Variants in RAD51 observed in about 807,000 individuals in gnomAD.
RAD51 encodes RAD51 recombinase.
A neutral mutation model predicts 41.5 loss-of-function variants in RAD51; 14 were observed. The ratio of observed to expected loss-of-function variants is 0.34; its 90% CI spans 0.22 to 0.53. The LOEUF (loss-of-function observed/expected upper bound fraction) is 0.53, where lower values mean the gene tolerates loss of function less well. Among genes scored for constraint, RAD51 ranks in the 20% least tolerant of loss-of-function variants. The probability of loss-of-function intolerance (pLI) is 0.95; values close to 1 mark genes in which losing one functional copy is unlikely to be tolerated. For synonymous variants in RAD51, 136 were observed against 148.6 expected (o/e 0.92, Z 0.62); for missense variants, 234 against 422.0 (o/e 0.55, Z 3.90).
intron 5 of RAD51, among the ~76,000 whole-genome samples, chr15:40,714,972 C>T (rs930015462): frequency 1.6e-4 from 24 of 151,742 alleles, no homozygotes; most frequent in African/African-American, 5.6e-4. Context: ...CCAGGAGTTC[C>T]AGACAAGACT....
At chr15:40,702,909 A>G (rs191819946) in intron 3 of RAD51, among the ~76,000 whole-genome samples, 1 of 151,582 alleles carries the variant, frequency 6.6e-6, no homozygotes, top group East Asian at 1.9e-4. Context: ...CTGCAGCTTC[A>G]GCTTCAAACT....
At chr15:40,730,515 T>TTTTTCCTTTTTTTTTTTTC (rs1555429743) in intron 9 of RAD51, among the ~76,000 whole-genome samples, 1 of 117,654 alleles carries the variant, frequency 8.5e-6, no homozygotes, top group Non-Finnish European at 1.6e-5. Context: ...GAAAAAATTT[T>TTTTTCCTTTTTTTTTTTTC]TTTTCTTTTT....
At chr15:40,708,743 C>T (rs550145740) in intron 4 of RAD51, among the ~76,000 whole-genome samples, 21 of 150,432 alleles carry the variant, frequency 1.4e-4, no homozygotes, top group African/African-American at 4.4e-4. Flanking sequence ...CCACCATGCC[C>T]GGCTAATTTT....
rs1163399253 is a variant in RAD51, at chr15:40,701,176, G to A, written c.200G>A (p.Ser67Asn). The A allele has an allele frequency of 6.2e-7, 1 of 1,614,032 alleles. No homozygotes were observed. The highest frequency in any genetic ancestry group is 1.3e-5 in the African/African-American group (1 of 74,912). The change falls in exon 3 of 10, where the codon AGT becomes AAT. Residue 67 changes from serine (S) to asparagine (N), a missense_variant. Ser to Asn is a conservative substitution (Grantham distance 46). Around this residue, in one of 2 missense-constraint regions of RAD51, gnomAD observed 100 missense variants for 135.5 expected, o/e 0.74. Transcript: ENST00000267868. ...GAGCTAATAAATATTAAGGGAATTA[G>A]TGAAGCCAAAGCTGATAAAATTCTG... ...KKELINIKGI[S>N]EAKADKILAE...
chr15:40,723,292 T>A (rs1377827693), intron 6 of RAD51, among the ~76,000 whole-genome samples: 1 of 152,178 alleles, frequency 6.6e-6, no homozygotes, highest in Non-Finnish European at 1.5e-5. Context: ...AGGTGGCTTC[T>A]TAAAAAGTTA....
chr15:40,712,846 A>G (rs924823396), intron 5 of RAD51, among the ~76,000 whole-genome samples: 1 of 149,572 alleles, frequency 6.7e-6, no homozygotes, highest in Non-Finnish European at 1.5e-5. Flanking sequence ...CTCGGGACTC[A>G]ACTCTGTTGA....
intron 5 of RAD51, among the ~76,000 whole-genome samples, chr15:40,714,789 G>A (rs4144242): frequency 0.14 from 21,440 of 152,094 alleles, 2,184 homozygotes; most frequent in African/African-American, 0.29. Flanking sequence ...TATATGTTAG[G>A]TCTCTCTCTA....
intron 7 of RAD51, 24 bp from the exon 8 acceptor site, chr15:40,729,481 T>C (rs1350958166): frequency 6.2e-7 from 1 of 1,611,602 alleles, no homozygotes; most frequent in Admixed American, 1.7e-5. Context: ...GAAATAGGCT[T>C]CAGAGAATCC....
intron 1 of RAD51, among the ~76,000 whole-genome samples, chr15:40,696,867 T>G (rs1894672471): frequency 6.6e-6 from 1 of 152,368 alleles, no homozygotes; most frequent in African/African-American, 2.4e-5. Flanking sequence ...GTTGGACATC[T>G]GTTCATATGT....
At chr15:40,717,524 A>G (rs1210657232) in intron 5 of RAD51, among the ~76,000 whole-genome samples, 1 of 152,206 alleles carries the variant, frequency 6.6e-6, no homozygotes, top group Non-Finnish European at 1.5e-5. Flanking sequence ...TGGAATGGGT[A>G]GTCTAAAGCA....
chr15:40,717,474 T>C (rs764376552), intron 5 of RAD51, among the ~76,000 whole-genome samples: 2 of 152,206 alleles, frequency 1.3e-5, no homozygotes, highest in African/African-American at 2.4e-5. Context: ...TTTAGCATCA[T>C]TCACTTAAAC....
chr15:40,701,622 G>C (rs1895000967), intron 3 of RAD51, among the ~76,000 whole-genome samples: 2 of 151,612 alleles, frequency 1.3e-5, no homozygotes, highest in Admixed American at 1.3e-4. Context: ...GAGCTACTGT[G>C]CCTGGCCTAT....
intron 5 of RAD51, among the ~76,000 whole-genome samples, chr15:40,710,100 G>A (rs60109064): frequency 0.026 from 3,940 of 151,928 alleles, 163 homozygotes; most frequent in African/African-American, 0.091. Flanking sequence ...AAATTAGTTG[G>A]GCGTGGTGGC....
At chr15:40,729,373 A>C (rs1342991989) in intron 7 of RAD51, 132 bp from the exon 8 acceptor site, 2 of 29,646 alleles carry the variant, frequency 6.7e-5, no homozygotes, top group Non-Finnish European at 1.1e-4. Context: ...ACTCCATCTC[A>C]AAAAAAAAAA....
chr15:40,698,874 T>C (rs1257937975), intron 2 of RAD51, 29 bp downstream of exon 2: 11 of 1,591,090 alleles, frequency 6.9e-6, no homozygotes, highest in Non-Finnish European at 7.8e-6. Context: ...ATTTTGGAAT[T>C]ATATACTAGA....
rs57006094 is a variant in RAD51 at position 40,718,516 on chromosome 15, GA to G, written c.436-275del. On this transcript the variant is annotated intron_variant, in intron 5 of 9. Coordinates refer to ENST00000267868, the MANE Select transcript of RAD51 (RefSeq NM_002875.5). The stretch of plus-strand genomic sequence containing the variant: ...CTGGGCAACAGTGAGACTATCGCAA[GA>G]AAAAAAAAAAAAAGAAGAAAAGAAT... Among the ~76,000 whole-genome samples the G allele has an allele frequency of 0.56, 77,922 of 138,038 alleles. 20,957 individuals carry two copies. The highest frequency in any genetic ancestry group is 0.78 in the East Asian group (3,788 of 4,880). The allele number at this position is 138,038 out of a possible 152,430, so 90.6% of individuals were successfully genotyped here.
chr15:40,700,511 CT>C (rs1894913476), intron 2 of RAD51, among the ~76,000 whole-genome samples: 1 of 152,094 alleles, frequency 6.6e-6, no homozygotes, highest in Non-Finnish European at 1.5e-5. Context: ...TTAAAGTGGT[CT>C]TGTAGGGCCC....
intron 9 of RAD51, 112 bp downstream of exon 9, chr15:40,730,086 C>G: frequency 7.2e-7 from 1 of 1,397,782 alleles, no homozygotes; most frequent in Non-Finnish European, 9.9e-7. Flanking sequence ...TGTATAGACA[C>G]TTAGGAACTC....
At position 40,715,354 on chromosome 15, in the gene RAD51, CAA is replaced by C. The variant is rs533136927; in HGVS notation, c.436-3443_436-3442del. ...TGGGCAACAGAGTAAGATTCTGTCT[CAA>C]AAAAAAACCAAAAACCAAAAAACCA... is the stretch of plus-strand genomic sequence containing the variant. On this transcript the variant is annotated intron_variant, in intron 5 of 9. Transcript: ENST00000267868. Among the ~76,000 whole-genome samples the C allele has an allele frequency of 6.8e-5, 7 of 102,502 alleles. No homozygotes were observed. In the South Asian group the frequency reaches 2.9e-3, roughly 43 times the overall value. 67.2% of individuals were successfully genotyped at this position (102,502 alleles called of 152,430 possible).
Sources: gnomAD v4.1 joint callset for allele counts (sites outside exome capture counted in the v4.1 genomes callset) on GRCh38, gnomAD v4.1.1 for gene constraint, gnomAD v4.1.1 regional missense constraint, MANE v1.5 for transcripts, NCBI Gene and HGNC (gene_info 2026-07-23, HGNC 2026-07-21) for gene names.